HBP1: variants seen among roughly 807,000 people sequenced by gnomAD.
HBP1 encodes the protein HMG-box transcription factor 1.
In HBP1, 20 loss-of-function variants were observed where a neutral mutation model predicts 62.6. That is an observed-to-expected ratio of 0.32 (90% CI 0.22 to 0.46). The LOEUF is 0.46. HBP1 is among the 20% of genes least tolerant of loss of function. The pLI, the probability that HBP1 is intolerant of heterozygous loss-of-function variation, is 1.00. For missense variants in HBP1, 480 were observed against 611.8 expected, an observed-to-expected ratio of 0.78 and a Z score of 2.27; for synonymous variants, 232 against 206.2, an observed-to-expected ratio of 1.12 and a Z score of -1.07.
chr7:107,176,988 T>G (rs12705407), intron 1 of HBP1, among the ~76,000 whole-genome samples: 1 of 152,142 alleles, frequency 6.6e-6, no homozygotes, highest in Non-Finnish European at 1.5e-5. Context: ...TCATAATATC[T>G]CCTAGGGAGG....
chr7:107,175,355 G>C (rs865943870), intron 1 of HBP1, among the ~76,000 whole-genome samples: 1 of 152,090 alleles, frequency 6.6e-6, no homozygotes. Flanking sequence ...TGTGAGGTAG[G>C]TACTTTTATT....
Position 107,181,098 on chromosome 7 carries a change from T to C in HBP1, c.169+1036T>C, listed in dbSNP as rs116126715. ...AGGGTAGAATTATTTTAAATTAGTG[T>C]GATGTTCTAGAACTCCTTGGCTCCT... On this transcript the variant is annotated intron_variant, in intron 2 of 10. Transcript: ENST00000222574. Among the ~76,000 whole-genome samples the C allele has an allele frequency of 9.0e-3, 1,373 of 152,290 alleles. 21 individuals carry two copies. Among genetic ancestry groups the C allele is most frequent in the African/African-American group, 0.032 (1,326 of 41,552 alleles).
chr7:107,180,001 G>A lies in HBP1; in HGVS notation c.108G>A (p.Gln36=), dbSNP rs1262087123. The part of the protein sequence containing the change: ...SGMNDSLELL[Q]CNENLPSSPG... ...TGAATGACTCATTGGAGTTGCTGCA[G>A]TGTAATGAGAATTTGCCATCTTCAC... is the stretch of plus-strand genomic sequence containing the variant. Residue 36 remains glutamine, a synonymous_variant, in exon 2 of 11, where the codon CAG becomes CAA. Coordinates refer to ENST00000222574, the MANE Select transcript of HBP1 (RefSeq NM_012257.4). 1.2e-6 allele frequency: 2 copies of A among 1,610,100 alleles called. No homozygotes were observed. The highest frequency in any genetic ancestry group is 1.7e-6 in the Non-Finnish European group (2 of 1,176,768).
At chr7:107,201,168 A>G in intron 10 of HBP1, 1 of 365,436 alleles carries the variant, frequency 2.7e-6, no homozygotes, top group Non-Finnish European at 4.9e-6. Flanking sequence ...TGGTTAATTT[A>G]GAATTTCATG....
At position 107,201,519 on chromosome 7, in the gene HBP1, GTCC is replaced by G. The variant is rs1291803271; in HGVS notation, c.*91_*93del. 9.2e-6 allele frequency: 7 copies of G among 761,148 alleles called. No homozygotes were observed. Among genetic ancestry groups the G allele is most frequent in the Non-Finnish European group, 1.6e-5 (7 of 444,770 alleles). 47.1% of individuals were successfully genotyped at this position (761,148 alleles called of 1,614,324 possible). On this transcript the variant is annotated 3_prime_UTR_variant, in exon 11 of 11. Transcript: ENST00000222574. ...TAAGAAGATCAAGGTCTCACCATTT[GTCC>G]TCAATTCGTGTGACCATAAGATACT...
chr7:107,201,121 A>G lies in HBP1; in HGVS notation c.1528-293A>G, dbSNP rs934256604. On this transcript the variant is annotated intron_variant, in intron 10 of 10. Coordinates refer to ENST00000222574, the MANE Select transcript of HBP1 (RefSeq NM_012257.4). ...TAAAAATAGTGGTCAGTCAGTAGTC[A>G]GATGAGAGGGTGGCTGAACTGAATT... 2.2e-4 allele frequency: 65 copies of G among 289,138 alleles called. 1 individual carries two copies. The highest frequency in any genetic ancestry group is 1.0e-3 in the Middle Eastern group (1 of 990). 17.9% of individuals were successfully genotyped at this position (289,138 alleles called of 1,614,324 possible). A position where few individuals can be genotyped will look rare whatever the true frequency, so the allele number is the denominator to read the frequency against.
intron 1 of HBP1, among the ~76,000 whole-genome samples, chr7:107,170,776 A>G (rs1381573369): frequency 1.3e-5 from 2 of 150,502 alleles, no homozygotes; most frequent in Admixed American, 6.6e-5. Context: ...CAAACTCCTA[A>G]CTACATACCC....
chr7:107,196,998 G>C (rs1408593911), intron 9 of HBP1: 1 of 152,166 alleles, frequency 6.6e-6, no homozygotes, highest in South Asian at 2.1e-4. Flanking sequence ...CTTTTCACCT[G>C]AGTCAACTAT....
intron 1 of HBP1, among the ~76,000 whole-genome samples, chr7:107,178,269 C>T (rs1227955389): frequency 6.6e-6 from 1 of 152,134 alleles, no homozygotes; most frequent in Non-Finnish European, 1.5e-5. Flanking sequence ...TCAGTCTACC[C>T]TAAGTAGCTG....
chr7:107,185,759 T>C, intron 3 of HBP1, 42 bp from the exon 4 acceptor site: 1 of 1,545,762 alleles, frequency 6.5e-7, no homozygotes, highest in African/African-American at 1.4e-5. Flanking sequence ...AGATCTACTT[T>C]AAGGACCTAT....
chr7:107,184,134 A>C (rs1043711382), intron 3 of HBP1, among the ~76,000 whole-genome samples: 2 of 152,198 alleles, frequency 1.3e-5, no homozygotes, highest in Admixed American at 1.3e-4. Flanking sequence ...ATGGTTAAAC[A>C]GAAGAACTGA....
intron 1 of HBP1, chr7:107,169,999 G>A (rs1335839361): frequency 1.0e-6 from 1 of 985,522 alleles, no homozygotes; most frequent in East Asian, 1.1e-4. Flanking sequence ...GAAGTGGACA[G>A]CCAGGTTTTT....
chr7:107,186,870 CTA>C (rs1797403461), intron 6 of HBP1, among the ~76,000 whole-genome samples, 189 bp downstream of exon 6: 1 of 152,188 alleles, frequency 6.6e-6, no homozygotes, highest in Non-Finnish European at 1.5e-5. Flanking sequence ...GTTTGCCTTT[CTA>C]ACATGCTTTC....
Position 107,182,433 on chromosome 7 carries a change from T to C in HBP1, c.230T>C (p.Leu77Pro). ...CCTACCCAATCTGGCATGTACCAGC[T>C]GAGTTCAGATGTTTCACATCAAGAA... The part of the protein sequence containing the change: ...SDPTQSGMYQ[L>P]SSDVSHQEYP... The change falls in exon 3 of 11, where the codon CTG becomes CCG. Residue 77 changes from leucine (L) to proline (P), a missense_variant. By Grantham distance (98) the Leu-to-Pro change is moderately conservative. This residue lies in a region of HBP1 where 304 missense variants were observed against 330.9 expected (regional missense o/e 0.92). Transcript: ENST00000222574. 6.2e-7 allele frequency: 1 copy of C among 1,613,888 alleles called. No homozygotes were observed. Among genetic ancestry groups the C allele is most frequent in the Non-Finnish European group, 8.5e-7 (1 of 1,179,754 alleles).
intron 1 of HBP1, among the ~76,000 whole-genome samples, chr7:107,175,406 T>C (rs1477238838): frequency 6.6e-6 from 1 of 152,204 alleles, no homozygotes; most frequent in Non-Finnish European, 1.5e-5. Flanking sequence ...AAGTAAATTA[T>C]TTAGGGTACA....
At chr7:107,178,791 G>C (rs566507882) in intron 1 of HBP1, among the ~76,000 whole-genome samples, 2 of 152,308 alleles carry the variant, frequency 1.3e-5, no homozygotes, top group Non-Finnish European at 2.9e-5. Context: ...CCAGCACTTT[G>C]GGAGGCCGAG....
In HBP1 at chr7:107,171,071, A is replaced by ATTTTTTT. The variant is rs1160740045; in HGVS notation, c.-16+1887_-16+1888insTTTTTTT. Among the ~76,000 whole-genome samples, 161 of 84,294 alleles carry ATTTTTTT rather than the reference A, an allele frequency of 1.9e-3. 37 individuals carry two copies. Among genetic ancestry groups the ATTTTTTT allele is most frequent in the African/African-American group, 0.012 (146 of 12,240 alleles). The allele number at this position is 84,294 out of a possible 152,430, so 55.3% of individuals were successfully genotyped here. A position where few individuals can be genotyped will look rare whatever the true frequency, so the allele number is the denominator to read the frequency against. ...AATATATATATATATATATATATAT[A>ATTTTTTT]TATTTTTTTTTTTTTTTGAGAGGGA... On this transcript the variant is annotated intron_variant, in intron 1 of 10. Transcript: ENST00000222574.
At chr7:107,169,680 A>T in intron 1 of HBP1, 1 of 918,834 alleles carries the variant, frequency 1.1e-6, no homozygotes, top group Non-Finnish European at 1.3e-6. Flanking sequence ...TGAGCTGAGG[A>T]GCTCGCGGAG....
At chr7:107,171,976 T>C (rs1375152887) in intron 1 of HBP1, among the ~76,000 whole-genome samples, 1 of 151,884 alleles carries the variant, frequency 6.6e-6, no homozygotes, top group Non-Finnish European at 1.5e-5. Flanking sequence ...AAATTAAAGC[T>C]GCCAGATACC....
Sources: allele counts gnomAD v4.1 joint callset (sites outside exome capture counted in the v4.1 genomes callset), GRCh38; gene constraint gnomAD v4.1.1; regional missense constraint gnomAD v4.1.1; transcripts MANE v1.5; gene names NCBI Gene and HGNC (gene_info 2026-07-23, HGNC 2026-07-21).